Variants in ADGRE5 observed in about 807,000 individuals in gnomAD.
ADGRE5 encodes the protein adhesion G protein-coupled receptor E5.
In ADGRE5, 72 loss-of-function variants were observed where a neutral mutation model predicts 100.3. The ratio of observed to expected loss-of-function variants is 0.72; its 90% CI spans 0.59 to 0.87. ADGRE5 has a LOEUF of 0.87. Ranked by LOEUF, ADGRE5 falls within the 40% of genes least tolerant of loss-of-function variation. The pLI, the probability that ADGRE5 is intolerant of heterozygous loss-of-function variation, is 0.00. For missense variants in ADGRE5, 959 were observed against 1,094.7 expected, an observed-to-expected ratio of 0.88 and a Z score of 1.75; for synonymous variants, 439 against 447.8, an observed-to-expected ratio of 0.98 and a Z score of 0.25.
chr19:14,384,552 C>T (rs559960956), intron 1 of ADGRE5, among the ~76,000 whole-genome samples: 1 of 152,244 alleles, frequency 6.6e-6, no homozygotes, highest in South Asian at 2.1e-4. Flanking sequence ...ATTCCCAGAT[C>T]GGCAGGGACT....
chr19:14,390,845 TG>T, intron 3 of ADGRE5, 78 bp from the exon 4 acceptor site: 2 of 1,548,168 alleles, frequency 1.3e-6, no homozygotes, highest in South Asian at 2.3e-5. Context: ...GGCCCCATGT[TG>T]GGGAGTCAGG....
At chr19:14,390,003 G>A (rs1251528414) in intron 3 of ADGRE5, among the ~76,000 whole-genome samples, 2 of 151,886 alleles carry the variant, frequency 1.3e-5, no homozygotes, top group Admixed American at 6.6e-5. Flanking sequence ...TTGAACCCGG[G>A]AGGCGGAAGT....
intron 4 of ADGRE5, among the ~76,000 whole-genome samples, chr19:14,392,705 C>T (rs940323416): frequency 3.3e-5 from 5 of 151,634 alleles, no homozygotes; most frequent in African/African-American, 4.9e-5. Context: ...GAGTTCAAGA[C>T]CAGCCTGGCC....
chr19:14,381,627 C>T (rs1975159665), intron 1 of ADGRE5, 82 bp downstream of exon 1: 2 of 1,498,566 alleles, frequency 1.3e-6, no homozygotes, highest in Admixed American at 2.2e-5. Context: ...CGGGAGGCGC[C>T]GCTGGTGTCT....
rs758735193 is a variant in ADGRE5, at chr19:14,406,103, C to T, written c.1821+164C>T. On this transcript the variant is annotated intron_variant, in intron 14 of 19. Transcript: ENST00000242786. This position sits in a 1 kb window ranked among gnomAD's most constrained non-coding sequence, Gnocchi z 6.0. ...CGCCCACCGGGGGGTCGGGTTGTCT[C>T]TTTAAAGGGCGCTGGCTTTGGAGCT... is the stretch of plus-strand genomic sequence containing the variant. Among the ~76,000 whole-genome samples the T allele has an allele frequency of 5.3e-5, 8 of 152,182 alleles. No individual in the cohort carries two copies. The highest frequency in any genetic ancestry group is 1.2e-4 in the Non-Finnish European group (8 of 68,024).
Position 14,381,532 on chromosome 19 carries a change from C to T in ADGRE5, c.9C>T (p.Gly3=), listed in dbSNP as rs779473458. ...TGCCGGCAGCTCCAACCATGGGAGG[C>T]CGCGTCTTTCTCGGTAAGTACTTTG... is the stretch of plus-strand genomic sequence containing the variant. MG[G]RVFLAFCVWL... is the part of the protein sequence containing the mutation. Residue 3 remains glycine (G), a synonymous_variant, in exon 1 of 20, where the codon GGC becomes GGT. Transcript: ENST00000242786. The T allele has an allele frequency of 3.7e-5, 60 of 1,609,674 alleles. No individual in the cohort carries two copies. The Admixed American group carries it at 1.0e-3, about 27-fold the overall frequency.
intron 11 of ADGRE5, 141 bp from the exon 12 acceptor site, chr19:14,402,456 A>AACT (rs1222988356): frequency 3.7e-6 from 3 of 807,348 alleles, no homozygotes; most frequent in South Asian, 1.7e-5. Flanking sequence ...AACAAGGAAC[A>AACT]ACTAGAAACT....
At chr19:14,405,388 C>G (rs1054281224) in intron 13 of ADGRE5, 6 of 180,900 alleles carry the variant, frequency 3.3e-5, no homozygotes, top group African/African-American at 1.4e-4. Flanking sequence ...GGTGATCTGC[C>G]CCCCCTCAGC....
intron 4 of ADGRE5, among the ~76,000 whole-genome samples, chr19:14,395,297 T>C (rs1975734205): frequency 1.1e-5 from 1 of 94,740 alleles, no homozygotes; most frequent in Non-Finnish European, 2.1e-5. Flanking sequence ...AGAGACGCTG[T>C]CTCCAAAAAA....
chr19:14,386,983 C>T (rs913529518), intron 1 of ADGRE5, among the ~76,000 whole-genome samples: 2 of 151,482 alleles, frequency 1.3e-5, no homozygotes, highest in African/African-American at 4.9e-5. Flanking sequence ...CCATCGCACT[C>T]CAGCCTGGGC....
rs146888178 is a variant in ADGRE5 at position 14,406,507 on chromosome 19, C to G, written c.1998C>G (p.Ile666Met). 3.2e-3 allele frequency: 5,092 copies of G among 1,566,814 alleles called. 9 individuals are homozygous for G. The highest frequency in any genetic ancestry group is 4.0e-3 in the Non-Finnish European group (4,658 of 1,156,038). The change falls in exon 15 of 20, where the codon ATC (isoleucine) becomes ATG (methionine). Residue 666 changes from isoleucine (I) to methionine (M), a missense_variant. Transcript: ENST00000242786. This position sits in a 1 kb window ranked among gnomAD's most constrained non-coding sequence, Gnocchi z 6.0. ...TCGGCTATGGCGTGCCCCTGCTCAT[C>G]GTGGGCGTCTCGGCTGCCATCTACA... ...CLIGYGVPLL[I>M]VGVSAAIYSK...
chr19:14,397,131 T>G lies in ADGRE5; in HGVS notation c.533T>G (p.Leu178Arg). ...QNPCHSSTHC[L>R]NNVGSYQCRC... is the part of the protein sequence containing the mutation. The stretch of plus-strand genomic sequence containing the variant: ...CCGTGCCACAGCTCCACCCACTGCC[T>G]CAACAACGTGGGCAGCTATCAGTGC... The change falls in exon 6 of 20, where the codon CTC (leucine) becomes CGC (arginine). Residue 178 changes from leucine to arginine, a missense_variant. This residue lies in a region of ADGRE5 where 83 missense variants were observed against 88.8 expected (regional missense o/e 0.93). Transcript: ENST00000242786. 6.2e-7 allele frequency: 1 copy of G among 1,614,054 alleles called. No individual in the cohort carries two copies. Among genetic ancestry groups the G allele is most frequent in the East Asian group, 2.2e-5 (1 of 44,868 alleles).
rs192152296 is a variant in ADGRE5 at position 14,394,197 on chromosome 19, G to A, written c.347-2145G>A. ...GGACAGCAGGGCTGAGGTGATAAGA[G>A]GGACCTCCACGGACATCAAAGCAGG... On this transcript the variant is annotated intron_variant, in intron 4 of 19. Coordinates refer to ENST00000242786, the MANE Select transcript of ADGRE5 (RefSeq NM_078481.4). 1.2e-3 allele frequency among the ~76,000 whole-genome samples: 187 copies of A among 152,288 alleles called. 2 individuals are homozygous for A. Among genetic ancestry groups the A allele is most frequent in the Non-Finnish European group, 1.2e-3 (82 of 68,006 alleles).
Position 14,406,948 on chromosome 19 carries a change from T to G in ADGRE5, c.2195T>G (p.Leu732Ter). ...GAAATCAATCCAGACATGAAGAAAT[T>G]AAAGAAGGCGAGGTGAGAGGAGAGG... ...FSEINPDMKK[L>*]KKARALTITA... The change falls in exon 17 of 20, where the codon TTA (leucine) becomes TGA (stop). Residue 732 changes from leucine (L) to a stop codon, truncating the protein, a stop_gained. Coordinates refer to ENST00000242786, the MANE Select transcript of ADGRE5 (RefSeq NM_078481.4). LOFTEE classifies it high-confidence loss of function. This position sits in a 1 kb window ranked among gnomAD's most constrained non-coding sequence, Gnocchi z 6.0. 1 of 1,614,082 alleles carries G rather than the reference T, an allele frequency of 6.2e-7. No homozygotes were observed. The highest frequency in any genetic ancestry group is 8.5e-7 in the Non-Finnish European group (1 of 1,179,964).
At position 14,393,103 on chromosome 19, in the gene ADGRE5, A is replaced by C. The variant is rs564531917; in HGVS notation, c.346+2024A>C. Among the ~76,000 whole-genome samples, 20 of 151,910 alleles carry C rather than the reference A, an allele frequency of 1.3e-4. No homozygotes were observed. In the South Asian group the frequency reaches 4.2e-3, roughly 32 times the overall value. On this transcript the variant is annotated intron_variant, in intron 4 of 19. Coordinates refer to ENST00000242786, the MANE Select transcript of ADGRE5 (RefSeq NM_078481.4). ...GTAGTCCCAGCTACTCTGGAGGCTG[A>C]GTCAGGAGAATGGCGTGAACCCGGG... is the stretch of plus-strand genomic sequence containing the variant.
At chr19:14,404,272 G>A (rs148754709) in intron 12 of ADGRE5, 111 bp from the exon 13 acceptor site, 33 of 940,600 alleles carry the variant, frequency 3.5e-5, no homozygotes, top group Non-Finnish European at 4.8e-5. Flanking sequence ...TTCAGTAGGC[G>A]CTCGGTCAAT....
Position 14,398,064 on chromosome 19 carries a change from G to A in ADGRE5, c.822G>A (p.Thr274=), listed in dbSNP as rs1267717952. The A allele has an allele frequency of 8.1e-6, 13 of 1,613,652 alleles. No individual in the cohort carries two copies. The highest frequency in any genetic ancestry group is 8.5e-6 in the Non-Finnish European group (10 of 1,179,914). Residue 274 remains threonine (T), a splice_region_variant and synonymous_variant, in exon 9 of 20, where the codon ACG becomes ACA. Transcript: ENST00000242786. ...WTPPPGVHSQ[T]LSRFFDKVQD... ...CCCCACATCTCCTCTCTCTGCAGAC[G>A]CTTTCCCGATTCTTCGACAAAGTCC...
intron 9 of ADGRE5, among the ~76,000 whole-genome samples, chr19:14,398,824 T>C (rs1975892680): frequency 6.6e-6 from 1 of 151,086 alleles, no homozygotes; most frequent in East Asian, 1.9e-4. Context: ...TGTGGTGTGT[T>C]TTTTTTTGTT....
In ADGRE5 at chr19:14,404,476, G is replaced by A; in HGVS notation, c.1543G>A (p.Val515Met). 6.2e-7 allele frequency: 1 copy of A among 1,612,590 alleles called. No individual in the cohort carries two copies. ...GGHWATEGCQVLGSKNGSTTC... is the reference protein window; with the variant it reads ...GGHWATEGCQMLGSKNGSTTC... ...GCACTGGGCCACCGAGGGCTGCCAG[G>A]TGCTGGGCAGCAAGAACGGCAGCAC... The change falls in exon 13 of 20, where the codon GTG (valine) becomes ATG (methionine). Residue 515 changes from valine (V) to methionine (M), a missense_variant. Physicochemically the swap from Val to Met is conservative, Grantham distance 21 (BLOSUM62 1). Transcript: ENST00000242786.
Sources: allele counts gnomAD v4.1 joint callset (sites outside exome capture counted in the v4.1 genomes callset), GRCh38; gene constraint gnomAD v4.1.1; regional missense constraint gnomAD v4.1.1; non-coding constraint Gnocchi (gnomAD v3.1); transcripts MANE v1.5; gene names NCBI Gene and HGNC (gene_info 2026-07-23, HGNC 2026-07-21).